The following ADGRG5 variants were observed in gnomAD, a reference collection of about 807,000 sequenced individuals.
ADGRG5 encodes the protein adhesion G protein-coupled receptor G5.
Under a neutral mutation model 53.2 loss-of-function variants are expected in ADGRG5, and 37 were observed. The ratio of observed to expected loss-of-function variants is 0.70; its 90% CI spans 0.53 to 0.91. The LOEUF (loss-of-function observed/expected upper bound fraction) is 0.91. Among genes scored for constraint, ADGRG5 ranks in the 40% least tolerant of loss-of-function variants. The probability of loss-of-function intolerance (pLI) is 0.00; values close to 1 mark genes in which losing one functional copy is unlikely to be tolerated. For synonymous variants in ADGRG5, 277 were observed against 290.4 expected, an observed-to-expected ratio of 0.95 and a Z score of 0.47; for missense variants, 614 against 675.8, an observed-to-expected ratio of 0.91 and a Z score of 1.01.
chr16:57,529,295 G>T, the ADGRG5 span: 1 of 1,118,662 alleles, frequency 8.9e-7, no homozygotes, highest in Non-Finnish European at 1.1e-6. The surrounding 1 kb of genome is among the most constrained non-coding windows in gnomAD (Gnocchi z 4.1). Context: ...CTTCCCTCTG[G>T]GCCACCGGGC....
At chr16:57,539,290 A>G (rs1319975441), upstream of ADGRG5, among the ~76,000 whole-genome samples, 1 of 152,200 alleles carries the variant, frequency 6.6e-6, no homozygotes, top group Non-Finnish European at 1.5e-5. Flanking sequence ...CAAGAGACAG[A>G]AAATAGAACG....
Position 57,554,623 on chromosome 16 carries a change from A to G in ADGRG5, c.-38-7433A>G, listed in dbSNP as rs9941202. On this transcript the variant is annotated intron_variant, in intron 1 of 11. Coordinates refer to ENST00000349457, the MANE Select transcript of ADGRG5 (RefSeq NM_001304376.3). ...AATCTCCTGACTTTGTGATCCGCCC[A>G]CCTTGGCCTCCCAAAGTGCTGGGAT... Among the ~76,000 whole-genome samples, 974 of 152,180 alleles carry G rather than the reference A, an allele frequency of 6.4e-3. 11 individuals are homozygous for G. Among genetic ancestry groups the G allele is most frequent in the African/African-American group, 0.018 (749 of 41,504 alleles).
chr16:57,530,754 A>G, the ADGRG5 span, among the ~76,000 whole-genome samples: 1 of 151,726 alleles, frequency 6.6e-6, no homozygotes, highest in African/African-American at 2.4e-5. Flanking sequence ...ACCCCTGCTG[A>G]AGTGTCTCCT....
At position 57,568,134 on chromosome 16, in the gene ADGRG5, T is replaced by C. The variant is rs2033197904; in HGVS notation, c.1090+10T>C. ...GGTGTGCTAGGCTGGGGTAAGCACATCATCTCTCCTCGCCTCCTCAGACTT... is the reference window on the plus strand; with the variant it reads ...GGTGTGCTAGGCTGGGGTAAGCACACCATCTCTCCTCGCCTCCTCAGACTT... On this transcript the variant is annotated intron_variant, in intron 9 of 11. Coordinates refer to ENST00000349457, the MANE Select transcript of ADGRG5 (RefSeq NM_001304376.3). The C allele has an allele frequency of 6.2e-7, 1 of 1,612,962 alleles. No individual in the cohort carries two copies. Among genetic ancestry groups the C allele is most frequent in the Non-Finnish European group, 8.5e-7 (1 of 1,179,302 alleles).
chr16:57,540,950 C>T (rs2032480484), upstream of ADGRG5, among the ~76,000 whole-genome samples: 1 of 152,098 alleles, frequency 6.6e-6, no homozygotes, highest in Non-Finnish European at 1.5e-5. Flanking sequence ...GCCACCACAC[C>T]CGGCTAATTT....
the ADGRG5 span, among the ~76,000 whole-genome samples, chr16:57,534,947 T>C: frequency 2.6e-5 from 4 of 152,186 alleles, no homozygotes; most frequent in Admixed American, 1.3e-4. Flanking sequence ...GTGAGAGGAA[T>C]GAGCAATGCC....
the ADGRG5 span, among the ~76,000 whole-genome samples, chr16:57,532,924 C>T: frequency 4.6e-5 from 7 of 152,202 alleles, no homozygotes; most frequent in African/African-American, 7.2e-5. Flanking sequence ...TTCTTGCAGC[C>T]GCTGAACTAG....
At chr16:57,532,266 C>T in the ADGRG5 span, among the ~76,000 whole-genome samples, 5 of 152,302 alleles carry the variant, frequency 3.3e-5, no homozygotes, top group Non-Finnish European at 5.9e-5. Flanking sequence ...GCGATGCTTT[C>T]TTACTACCCA....
In ADGRG5 at chr16:57,574,709, C is replaced by T. The variant is rs2033462050; in HGVS notation, c.1209-106C>T. ...ACTGTGTGTTCAGTCAGGCAAGAAACAATAGGGCCTGAGCCAGGAGACCGA... is the reference window on the plus strand; with the variant it reads ...ACTGTGTGTTCAGTCAGGCAAGAAATAATAGGGCCTGAGCCAGGAGACCGA... On this transcript the variant is annotated intron_variant, in intron 10 of 11. Coordinates refer to ENST00000349457, the MANE Select transcript of ADGRG5 (RefSeq NM_001304376.3). This position sits in a 1 kb window ranked among gnomAD's most constrained non-coding sequence, Gnocchi z 4.4. 7.8e-7 allele frequency: 1 copy of T among 1,281,634 alleles called. No individual in the cohort carries two copies. The highest frequency in any genetic ancestry group is 1.1e-6 in the Non-Finnish European group (1 of 945,530). The allele number at this position is 1,281,634 out of a possible 1,614,324, so 79.4% of individuals were successfully genotyped here. A position where few individuals can be genotyped will look rare whatever the true frequency, so the allele number is the denominator to read the frequency against.
At chr16:57,549,012 A>C (rs532452366) in intron 1 of ADGRG5, among the ~76,000 whole-genome samples, 1 of 152,314 alleles carries the variant, frequency 6.6e-6, no homozygotes, top group South Asian at 2.1e-4. Flanking sequence ...GTTTTATAAG[A>C]AACTGTCGAA....
At chr16:57,534,066 T>C in the ADGRG5 span, among the ~76,000 whole-genome samples, 1 of 152,176 alleles carries the variant, frequency 6.6e-6, no homozygotes, top group Non-Finnish European at 1.5e-5. Flanking sequence ...TCTGGGTTTG[T>C]ATTCCAAATG....
the ADGRG5 span, among the ~76,000 whole-genome samples, chr16:57,536,193 TCCGTCC>T: frequency 6.6e-6 from 1 of 151,884 alleles, no homozygotes; most frequent in Non-Finnish European, 1.5e-5. Flanking sequence ...AGTCCCAAAT[TCCGTCC>T]CCGCCCGCCG....
intron 7 of ADGRG5, 100 bp downstream of exon 7, chr16:57,566,851 T>G: frequency 8.8e-7 from 1 of 1,131,652 alleles, no homozygotes; most frequent in Non-Finnish European, 1.2e-6. Context: ...AAAGTCCAAC[T>G]GAAATGGGCT....
At chr16:57,530,485 C>G in the ADGRG5 span, among the ~76,000 whole-genome samples, 2 of 152,182 alleles carry the variant, frequency 1.3e-5, no homozygotes, top group Admixed American at 6.5e-5. Flanking sequence ...AGTGTACTGT[C>G]GGTGGGACTC....
intron 1 of ADGRG5, among the ~76,000 whole-genome samples, chr16:57,549,844 C>T (rs187150078): frequency 2.0e-4 from 30 of 152,290 alleles, no homozygotes; most frequent in African/African-American, 6.3e-4. Flanking sequence ...GTTCTATATC[C>T]TCATAATACT....
intron 1 of ADGRG5, among the ~76,000 whole-genome samples, chr16:57,559,835 A>T (rs1204427350): frequency 6.6e-6 from 1 of 152,142 alleles, no homozygotes; most frequent in Non-Finnish European, 1.5e-5. Context: ...TCTAGGTGGA[A>T]ATCGAAATCA....
At chr16:57,544,644 A>G (rs978750226) in intron 1 of ADGRG5, among the ~76,000 whole-genome samples, 2 of 152,184 alleles carry the variant, frequency 1.3e-5, no homozygotes, top group Non-Finnish European at 2.9e-5. Context: ...CACCAACAGT[A>G]TAGTGAAGGG....
chr16:57,533,238 CCT>C, the ADGRG5 span, among the ~76,000 whole-genome samples: 2 of 152,122 alleles, frequency 1.3e-5, no homozygotes, highest in African/African-American at 4.8e-5. Flanking sequence ...AGCACTCCCA[CCT>C]TTGCACTTCA....
At position 57,576,698 on chromosome 16, in the gene ADGRG5, C is replaced by T. The variant is rs1458472685; in HGVS notation, c.*1160C>T. On this transcript the variant is annotated 3_prime_UTR_variant, in exon 12 of 12. Transcript: ENST00000349457. The stretch of plus-strand genomic sequence containing the variant: ...GCGCCTACTGAGTGACCCATTTCCT[C>T]CAGGAGGAAAGGCAAGACACGCTTA... The T allele has an allele frequency of 6.6e-6, 1 of 152,242 alleles. No homozygotes were observed. The highest frequency in any genetic ancestry group is 1.5e-5 in the Non-Finnish European group (1 of 68,058). 9.4% of individuals were successfully genotyped at this position (152,242 alleles called of 1,614,324 possible). A position where few individuals can be genotyped will look rare whatever the true frequency, so the allele number is the denominator to read the frequency against.
Sources: allele counts gnomAD v4.1 joint callset (sites outside exome capture counted in the v4.1 genomes callset), GRCh38; gene constraint gnomAD v4.1.1; non-coding constraint Gnocchi (gnomAD v3.1); transcripts MANE v1.5; gene names NCBI Gene and HGNC (gene_info 2026-07-23, HGNC 2026-07-21).